CPNE4: variants seen among roughly 807,000 people sequenced by gnomAD.
CPNE4 encodes copine 4.
A neutral mutation model predicts 67.9 loss-of-function variants in CPNE4; 25 were observed. The observed-to-expected ratio is 0.37, with a 90% CI of 0.27 to 0.51. The LOEUF is 0.51. Ranked by LOEUF, CPNE4 falls within the 20% of genes least tolerant of loss-of-function variation. CPNE4 has a pLI of 0.93. For synonymous variants in CPNE4, 242 were observed against 244.9 expected (o/e 0.99, Z 0.11); for missense variants, 464 against 690.8 (o/e 0.67, Z 3.68).
intron 8 of CPNE4, among the ~76,000 whole-genome samples, chr3:131,585,470 A>T (rs1938117381): frequency 6.6e-6 from 1 of 152,206 alleles, no homozygotes; most frequent in South Asian, 2.1e-4. Flanking sequence ...TAGCTCAGTG[A>T]TTCAGAAAAG....
intron 15 of CPNE4, 113 bp downstream of exon 15, chr3:131,542,444 G>T (rs1935556958): frequency 1.3e-6 from 1 of 781,036 alleles, no homozygotes; most frequent in Non-Finnish European, 2.2e-6. Context: ...GAGCATAGCT[G>T]GTGTTGCTTC....
chr3:131,844,801 C>T (rs1275982832), intron 2 of CPNE4, among the ~76,000 whole-genome samples: 3 of 152,170 alleles, frequency 2.0e-5, no homozygotes, highest in African/African-American at 7.2e-5. Context: ...AACCTATATA[C>T]ATAGCCACAT....
intron 7 of CPNE4, among the ~76,000 whole-genome samples, chr3:131,642,756 G>A (rs113906928): frequency 0.011 from 1,713 of 152,220 alleles, 33 homozygotes; most frequent in African/African-American, 0.038. Flanking sequence ...CGCCATGTGA[G>A]GAAGGACATG....
At chr3:131,610,012 GAAT>G (rs764573368) in intron 7 of CPNE4, among the ~76,000 whole-genome samples, 6 of 152,240 alleles carry the variant, frequency 3.9e-5, no homozygotes, top group Admixed American at 2.0e-4. Context: ...ATTCCTTTAA[GAAT>G]AATGTTTTAC....
intron 7 of CPNE4, among the ~76,000 whole-genome samples, chr3:131,616,252 G>A (rs984115394): frequency 4.6e-5 from 7 of 152,258 alleles, no homozygotes; most frequent in Admixed American, 3.9e-4. Context: ...TGAAAACAAT[G>A]TGATAGCTGA....
chr3:131,945,187 A>G (rs183932934), intron 1 of CPNE4, among the ~76,000 whole-genome samples: 1 of 107,960 alleles, frequency 9.3e-6, no homozygotes, highest in Non-Finnish European at 1.9e-5. Context: ...TCCACATACT[A>G]TACCAGATAC....
At chr3:131,561,469 A>T (rs1936761003) in intron 11 of CPNE4, among the ~76,000 whole-genome samples, 1 of 152,062 alleles carries the variant, frequency 6.6e-6, no homozygotes, top group African/African-American at 2.4e-5. Context: ...GCTGAAGGAC[A>T]GAACAGGCAG....
chr3:131,935,344 T>A (rs2071192174), intron 1 of CPNE4, among the ~76,000 whole-genome samples: 1 of 152,256 alleles, frequency 6.6e-6, no homozygotes, highest in East Asian at 1.9e-4. Flanking sequence ...AATCAATAAC[T>A]TGGACATCTC....
intron 1 of CPNE4, among the ~76,000 whole-genome samples, chr3:131,984,394 T>C (rs1043029206): frequency 6.6e-6 from 1 of 152,232 alleles, no homozygotes; most frequent in African/African-American, 2.4e-5. Flanking sequence ...TGCTTGTGCA[T>C]ACAGAAAGAA....
chr3:131,701,487 CTT>C (rs1349903238), intron 3 of CPNE4, among the ~76,000 whole-genome samples: 1 of 152,214 alleles, frequency 6.6e-6, no homozygotes, highest in Non-Finnish European at 1.5e-5. Flanking sequence ...ATGACTGTGA[CTT>C]ATCTCTTATC....
intron 7 of CPNE4, among the ~76,000 whole-genome samples, chr3:131,645,985 T>G (rs1401495849): frequency 6.6e-6 from 1 of 152,204 alleles, no homozygotes; most frequent in Non-Finnish European, 1.5e-5. Context: ...TTTCAACTGT[T>G]GCATAGTATC....
intron 1 of CPNE4, among the ~76,000 whole-genome samples, chr3:132,001,619 A>G (rs1423484066): frequency 5.2e-5 from 7 of 133,606 alleles, no homozygotes; most frequent in African/African-American, 8.2e-5. Flanking sequence ...AAGAAAGAAA[A>G]TGAAGAGGAA....
At chr3:131,674,424 G>A (rs1483928165) in intron 6 of CPNE4, among the ~76,000 whole-genome samples, 5 of 151,924 alleles carry the variant, frequency 3.3e-5, no homozygotes, top group African/African-American at 1.2e-4. Context: ...ATGTTTGGTA[G>A]AATTCAGCAG....
chr3:131,786,211 T>A (rs957586808), intron 2 of CPNE4, among the ~76,000 whole-genome samples: 2 of 152,238 alleles, frequency 1.3e-5, no homozygotes, highest in African/African-American at 4.8e-5. Flanking sequence ...GCACCGAGAA[T>A]TGCCTTGCCT....
At chr3:131,912,371 T>C in intron 1 of CPNE4, among the ~76,000 whole-genome samples, 1 of 152,042 alleles carries the variant, frequency 6.6e-6, no homozygotes, top group East Asian at 1.9e-4. Flanking sequence ...GCAGAGCTTG[T>C]CTTAAGACTG....
At chr3:131,919,488 T>C (rs368222329) in intron 1 of CPNE4, among the ~76,000 whole-genome samples, 16 of 152,304 alleles carry the variant, frequency 1.1e-4, no homozygotes, top group African/African-American at 2.6e-4. Context: ...TTTTGTGAAG[T>C]TGAAAACCAG....
intron 1 of CPNE4, among the ~76,000 whole-genome samples, chr3:131,924,187 C>T (rs1290177428): frequency 6.6e-6 from 1 of 152,202 alleles, no homozygotes; most frequent in Non-Finnish European, 1.5e-5. Context: ...CATGACATAT[C>T]TTGTCTCCCT....
At chr3:131,932,442 C>G (rs919010059) in intron 1 of CPNE4, among the ~76,000 whole-genome samples, 7 of 152,028 alleles carry the variant, frequency 4.6e-5, no homozygotes, top group African/African-American at 1.7e-4. Context: ...GAACACAAGA[C>G]TGACCCGGAC....
intron 1 of CPNE4, among the ~76,000 whole-genome samples, chr3:131,979,646 C>A (rs72994807): frequency 0.18 from 27,048 of 152,054 alleles, 4,498 homozygotes; most frequent in African/African-American, 0.44. Context: ...TGCAGCTCTG[C>A]ATCTTTTAAG....
Sources: gnomAD v4.1 joint callset for allele counts (sites outside exome capture counted in the v4.1 genomes callset) on GRCh38, gnomAD v4.1.1 for gene constraint, MANE v1.5 for transcripts, NCBI Gene and HGNC (gene_info 2026-07-23, HGNC 2026-07-21) for gene names.